ALG6: variants seen among roughly 807,000 people sequenced by gnomAD.
The protein encoded by ALG6 is ALG6 alpha-1,3-glucosyltransferase.
ALG6 carries 46 observed loss-of-function variants against 66.6 expected under a neutral mutation model. That is an observed-to-expected ratio of 0.69 (90% CI 0.55 to 0.88). The LOEUF is 0.88. Among genes scored for constraint, ALG6 ranks in the 40% least tolerant of loss-of-function variants. The probability of loss-of-function intolerance (pLI) is 0.00; values close to 1 mark genes in which losing one functional copy is unlikely to be tolerated. For synonymous variants in ALG6, 185 were observed against 203.7 expected (o/e 0.91, Z 0.78); for missense variants, 505 against 586.8 (o/e 0.86, Z 1.44).
At chr1:63,383,600 C>T (rs1351868185) in intron 2 of ALG6, among the ~76,000 whole-genome samples, 1 of 152,086 alleles carries the variant, frequency 6.6e-6, no homozygotes, top group African/African-American at 2.4e-5. Flanking sequence ...TGTTTTGATA[C>T]AAGCATACAA....
At chr1:63,409,905 G>GA (rs1318060974) in intron 7 of ALG6, among the ~76,000 whole-genome samples, 3 of 152,134 alleles carry the variant, frequency 2.0e-5, no homozygotes, top group Non-Finnish European at 4.4e-5. Flanking sequence ...CATTTCTTCA[G>GA]AAAAATATGC....
At chr1:63,396,732 G>T in intron 3 of ALG6, 135 bp downstream of exon 3, 1 of 789,238 alleles carries the variant, frequency 1.3e-6, no homozygotes, top group Non-Finnish European at 2.1e-6. Context: ...CATATGTATT[G>T]CCTTGCATTT....
intron 4 of ALG6, among the ~76,000 whole-genome samples, chr1:63,403,170 C>A (rs1255849990): frequency 6.8e-6 from 1 of 147,630 alleles, no homozygotes. Context: ...GGACATCTAG[C>A]AAGAAATGTG....
chr1:63,427,051 A>C (rs1040684870), intron 12 of ALG6, among the ~76,000 whole-genome samples: 10 of 151,996 alleles, frequency 6.6e-5, no homozygotes, highest in African/African-American at 2.4e-4. Flanking sequence ...ACCAGGCTGG[A>C]GTGCAGTGGC....
chr1:63,406,612 A>G (rs1644490861), intron 6 of ALG6, among the ~76,000 whole-genome samples: 1 of 152,108 alleles, frequency 6.6e-6, no homozygotes, highest in African/African-American at 2.4e-5. Flanking sequence ...CTTGGAAGTT[A>G]TGTACTGTTG....
rs1238395777 is a variant in ALG6, at chr1:63,400,334, T to TAC, written c.168-1919_168-1918dup. On this transcript the variant is annotated intron_variant, in intron 3 of 14. Transcript: ENST00000263440. ...ATATATATATACGTATATATATATA[T>TAC]ACGTATATATATATGTATATATATA... 5.8e-4 allele frequency among the ~76,000 whole-genome samples: 11 copies of TAC among 18,952 alleles called. 3 individuals carry two copies. Among genetic ancestry groups the TAC allele is most frequent in the Non-Finnish European group, 7.7e-4 (9 of 11,620 alleles). The allele number at this position is 18,952 out of a possible 152,430, so 12.4% of individuals were successfully genotyped here. A position where few individuals can be genotyped will look rare whatever the true frequency, so the allele number is the denominator to read the frequency against.
chr1:63,384,244 G>T (rs1648430342), intron 2 of ALG6, among the ~76,000 whole-genome samples: 1 of 152,168 alleles, frequency 6.6e-6, no homozygotes, highest in Non-Finnish European at 1.5e-5. Context: ...GATCATCAGT[G>T]ATGTTGAGCA....
intron 3 of ALG6, among the ~76,000 whole-genome samples, chr1:63,397,804 C>T (rs1004766990): frequency 3.3e-5 from 5 of 152,108 alleles, no homozygotes; most frequent in African/African-American, 1.2e-4. Context: ...GCTGTGTGAC[C>T]TTTGGCAAAT....
chr1:63,403,813 T>C (rs557647566), intron 4 of ALG6, among the ~76,000 whole-genome samples: 1 of 152,300 alleles, frequency 6.6e-6, no homozygotes, highest in Admixed American at 6.5e-5. Flanking sequence ...AACACATAGC[T>C]AGCGTAAAAA....
intron 1 of ALG6, among the ~76,000 whole-genome samples, chr1:63,368,590 T>C (rs1647805852): frequency 6.6e-6 from 1 of 151,940 alleles, no homozygotes; most frequent in Non-Finnish European, 1.5e-5. Flanking sequence ...AACCTCTGCC[T>C]CCCGGGTTCG....
chr1:63,413,660 T>A (rs1330456527), intron 9 of ALG6: 1 of 170,720 alleles, frequency 5.9e-6, no homozygotes, highest in Non-Finnish European at 1.3e-5. Flanking sequence ...AGCAGGTTAC[T>A]CTGTTACTCT....
chr1:63,409,285 A>G (rs1644505228), intron 7 of ALG6, among the ~76,000 whole-genome samples: 1 of 152,114 alleles, frequency 6.6e-6, no homozygotes, highest in South Asian at 2.1e-4. Context: ...TGGTTCTGAA[A>G]TTTTACAGTG....
intron 2 of ALG6, among the ~76,000 whole-genome samples, chr1:63,377,929 TA>T (rs1648186276): frequency 6.6e-6 from 1 of 152,054 alleles, no homozygotes; most frequent in African/African-American, 2.4e-5. Flanking sequence ...TTAGTAGACA[TA>T]AGGTCCTGCT....
chr1:63,431,934 T>C (rs182716363), intron 14 of ALG6, among the ~76,000 whole-genome samples: 31 of 152,326 alleles, frequency 2.0e-4, no homozygotes, highest in African/African-American at 6.0e-4. Context: ...TACAAGATAA[T>C]GTAATCTGCA....
chr1:63,399,051 C>T (rs1644430423), intron 3 of ALG6, among the ~76,000 whole-genome samples: 1 of 152,106 alleles, frequency 6.6e-6, no homozygotes, highest in Non-Finnish European at 1.5e-5. Context: ...TTATCAGAGG[C>T]TCAAATGGAG....
chr1:63,371,213 T>C (rs1449327780), intron 2 of ALG6, 154 bp downstream of exon 2: 1 of 625,736 alleles, frequency 1.6e-6, no homozygotes, highest in Non-Finnish European at 2.8e-6. Context: ...CCAGTTCTAA[T>C]AGAAAGAATA....
At chr1:63,376,373 A>G (rs779888965) in intron 2 of ALG6, among the ~76,000 whole-genome samples, 1 of 152,230 alleles carries the variant, frequency 6.6e-6, no homozygotes, top group African/African-American at 2.4e-5. Context: ...TGTGGTACAT[A>G]GCCGTATTTT....
At chr1:63,435,116 A>T (rs7527752) in intron 14 of ALG6, among the ~76,000 whole-genome samples, 27,891 of 152,108 alleles carry the variant, frequency 0.18, 2,735 homozygotes, top group Middle Eastern at 0.27. Context: ...CCCAATTGGT[A>T]TGGGTTCACT....
chr1:63,425,055 C>T (rs1170449192), intron 12 of ALG6, among the ~76,000 whole-genome samples: 1 of 152,182 alleles, frequency 6.6e-6, no homozygotes, highest in Middle Eastern at 3.2e-3. Flanking sequence ...GCTGGGATTA[C>T]AGGCGTGAGC....
Sources: allele counts gnomAD v4.1 joint callset (sites outside exome capture counted in the v4.1 genomes callset), GRCh38; gene constraint gnomAD v4.1.1; transcripts MANE v1.5; gene names NCBI Gene and HGNC (gene_info 2026-07-23, HGNC 2026-07-21).